The following PTPRN2 variants were observed in gnomAD, a reference collection of about 807,000 sequenced individuals.
PTPRN2 encodes the protein protein tyrosine phosphatase receptor type N2.
PTPRN2 carries 74 observed loss-of-function variants against 118.8 expected under a neutral mutation model. The observed-to-expected ratio is 0.62, with a 90% CI of 0.52 to 0.76. The LOEUF (loss-of-function observed/expected upper bound fraction) is 0.76. Among genes scored for constraint, PTPRN2 ranks in the 30% least tolerant of loss-of-function variants. PTPRN2 has a pLI of 0.00. For missense variants in PTPRN2, 1,481 were observed against 1,394.4 expected (o/e 1.06, Z -0.99); for synonymous variants, 641 against 608.0 (o/e 1.05, Z -0.80).
intron 1 of PTPRN2, among the ~76,000 whole-genome samples, chr7:158,507,261 G>A (rs1319126624): frequency 6.6e-6 from 1 of 152,086 alleles, no homozygotes; most frequent in Non-Finnish European, 1.5e-5. Context: ...ACTGTCCAGG[G>A]GATAGCGCTG....
rs560678193 is a variant in PTPRN2, at chr7:158,454,964, C to T, written c.163+34771G>A. On this transcript the variant is annotated intron_variant, in intron 2 of 22. Coordinates refer to ENST00000389418, the MANE Select transcript of PTPRN2 (RefSeq NM_002847.5). ...ATGTGTTTGTCAGGCTGCCTCCACG[C>T]AGCCCACAGGCATGGAGCAAACACA... Among the ~76,000 whole-genome samples, 61 of 152,316 alleles carry T rather than the reference C, an allele frequency of 4.0e-4. 3 individuals carry two copies. In the South Asian group the frequency reaches 4.6e-3, roughly 11 times the overall value.
At chr7:158,449,570 G>A (rs570662384) in intron 2 of PTPRN2, among the ~76,000 whole-genome samples, 22 of 151,630 alleles carry the variant, frequency 1.5e-4, no homozygotes, top group East Asian at 1.4e-3. Flanking sequence ...GACACATAGC[G>A]CGGGCCGAGA....
chr7:158,134,159 C>T, intron 8 of PTPRN2, 100 bp from the exon 9 acceptor site: 7 of 1,355,572 alleles, frequency 5.2e-6, no homozygotes, highest in Non-Finnish European at 7.0e-6. Context: ...GTGGGGATGA[C>T]ATGGGCAGCC....
At chr7:158,127,373 G>T (rs1356586346) in intron 9 of PTPRN2, among the ~76,000 whole-genome samples, 2 of 151,990 alleles carry the variant, frequency 1.3e-5, no homozygotes, top group Non-Finnish European at 2.9e-5. Flanking sequence ...CTCCACCTGA[G>T]CCCCGTTCAT....
At chr7:158,249,934 G>A (rs1479321325) in intron 3 of PTPRN2, among the ~76,000 whole-genome samples, 3 of 152,128 alleles carry the variant, frequency 2.0e-5, no homozygotes, top group African/African-American at 7.2e-5. Context: ...GCATCTGAGT[G>A]TAATGCAAGT....
intron 6 of PTPRN2, among the ~76,000 whole-genome samples, chr7:158,145,189 T>A (rs1001808053): frequency 6.6e-6 from 1 of 151,380 alleles, no homozygotes; most frequent in Non-Finnish European, 1.5e-5. Context: ...GGTTCCAGAA[T>A]ACCACAGCTC....
intron 13 of PTPRN2, among the ~76,000 whole-genome samples, chr7:157,665,549 CT>C (rs1257093292): frequency 6.6e-6 from 1 of 152,236 alleles, no homozygotes; most frequent in Non-Finnish European, 1.5e-5. Flanking sequence ...CACGGGGCCA[CT>C]CCCACCAGGG....
intron 2 of PTPRN2, among the ~76,000 whole-genome samples, chr7:158,421,615 T>C (rs1815262418): frequency 6.6e-6 from 1 of 152,226 alleles, no homozygotes; most frequent in African/African-American, 2.4e-5. Context: ...CTGGGTAATG[T>C]ACTCTTTGCT....
At chr7:158,483,845 G>A (rs1936886967) in intron 2 of PTPRN2, among the ~76,000 whole-genome samples, 1 of 152,070 alleles carries the variant, frequency 6.6e-6, no homozygotes, top group South Asian at 2.1e-4. Context: ...GCCTTTTAAA[G>A]TATAGGAGTT....
At position 158,565,085 on chromosome 7, in the gene PTPRN2, T is replaced by G. The variant is rs1205274677; in HGVS notation, c.112+22473A>C. Among the ~76,000 whole-genome samples the G allele has an allele frequency of 6.6e-6, 1 of 152,114 alleles. No homozygotes were observed. The highest frequency in any genetic ancestry group is 2.4e-5 in the African/African-American group (1 of 41,420). On this transcript the variant is annotated intron_variant, in intron 1 of 22. Coordinates refer to ENST00000389418, the MANE Select transcript of PTPRN2 (RefSeq NM_002847.5). The surrounding 1 kb of genome is among the most constrained non-coding windows in gnomAD (Gnocchi z 4.6). ...TGACACCATTCAGAAAATTGTATTG[T>G]GGAGGAAGGCAAGGATGAAACAAAC...
At chr7:158,085,583 C>T (rs146425678) in intron 10 of PTPRN2, among the ~76,000 whole-genome samples, 1 of 118,966 alleles carries the variant, frequency 8.4e-6, no homozygotes, top group Non-Finnish European at 1.7e-5. Context: ...ACCCTCGACG[C>T]CCATCCAGAT....
intron 21 of PTPRN2, 124 bp from the exon 22 acceptor site, chr7:157,549,143 C>T: frequency 1.1e-6 from 1 of 920,232 alleles, no homozygotes; most frequent in South Asian, 1.4e-5. Flanking sequence ...TACGCTCATC[C>T]CTCAGCCGGC....
At chr7:157,573,230 G>C (rs540778353) in intron 19 of PTPRN2, among the ~76,000 whole-genome samples, 1 of 152,374 alleles carries the variant, frequency 6.6e-6, no homozygotes, top group Admixed American at 6.5e-5. Context: ...TGTGTGTGAC[G>C]TGAGCACGTA....
chr7:157,546,514 T>G (rs1445176211), intron 22 of PTPRN2, among the ~76,000 whole-genome samples: 1 of 152,222 alleles, frequency 6.6e-6, no homozygotes, highest in Non-Finnish European at 1.5e-5. Flanking sequence ...CATTTATAAG[T>G]GGGAACAGGC....
intron 1 of PTPRN2, among the ~76,000 whole-genome samples, chr7:158,515,387 A>T (rs995200003): frequency 1.3e-5 from 2 of 152,022 alleles, no homozygotes; most frequent in South Asian, 4.2e-4. Flanking sequence ...GGGTTTCTCC[A>T]TGTTGGTCAG....
Position 158,162,821 on chromosome 7 carries a change from G to A in PTPRN2, c.910+4110C>T, listed in dbSNP as rs182904034. Reference sequence around the variant, plus strand: ...TCATATGCGTTCAGCCCGCAGCCTCGTTGACTGACTGCTTCTTTGGGAGCA... The same window carrying A: ...TCATATGCGTTCAGCCCGCAGCCTCATTGACTGACTGCTTCTTTGGGAGCA... On this transcript the variant is annotated intron_variant, in intron 6 of 22. Transcript: ENST00000389418. Among the ~76,000 whole-genome samples, 864 of 152,306 alleles carry A rather than the reference G, an allele frequency of 5.7e-3. 7 individuals carry two copies. Among genetic ancestry groups the A allele is most frequent in the African/African-American group, 0.019 (809 of 41,548 alleles).
chr7:157,625,432 G>A (rs1803505217), intron 14 of PTPRN2, among the ~76,000 whole-genome samples: 1 of 152,176 alleles, frequency 6.6e-6, no homozygotes, highest in African/African-American at 2.4e-5. Context: ...CATTTGCAGT[G>A]ACCCGGATGA....
intron 10 of PTPRN2, among the ~76,000 whole-genome samples, chr7:158,087,413 T>G (rs7784655): frequency 3.9e-5 from 6 of 152,150 alleles, no homozygotes; most frequent in Admixed American, 3.9e-4. Context: ...GGCACATCTA[T>G]GGTAAGAAGC....
intron 21 of PTPRN2, among the ~76,000 whole-genome samples, chr7:157,557,817 T>C (rs985418193): frequency 6.6e-6 from 1 of 152,048 alleles, no homozygotes; most frequent in African/African-American, 2.4e-5. Context: ...TTTGAACAAA[T>C]TCTAAATCCT....
Sources: gnomAD v4.1 joint callset for allele counts (sites outside exome capture counted in the v4.1 genomes callset) on GRCh38, gnomAD v4.1.1 for gene constraint, Gnocchi (gnomAD v3.1) non-coding constraint, MANE v1.5 for transcripts, NCBI Gene and HGNC (gene_info 2026-07-23, HGNC 2026-07-21) for gene names.